KCNH1: variants seen among roughly 807,000 people sequenced by gnomAD.
The protein encoded by KCNH1 is potassium voltage-gated channel subfamily H member 1, also known as voltage-gated delayed rectifier potassium channel KCNH1.
A neutral mutation model predicts 69.2 loss-of-function variants in KCNH1; 27 were observed. That is an observed-to-expected ratio of 0.39 (90% CI 0.29 to 0.54). The LOEUF (loss-of-function observed/expected upper bound fraction) is 0.54. Ranked by LOEUF, KCNH1 falls within the 20% of genes least tolerant of loss-of-function variation. The pLI, the probability that KCNH1 is intolerant of heterozygous loss-of-function variation, is 0.68. For synonymous variants in KCNH1, 456 were observed against 487.7 expected (o/e 0.93, Z 0.86); for missense variants, 798 against 1,261.6 (o/e 0.63, Z 5.57).
In KCNH1 at chr1:210,682,951, G is replaced by C. The variant is rs10082305; in HGVS notation, c.*330C>G. On this transcript the variant is annotated 3_prime_UTR_variant, in exon 11 of 11. Transcript: ENST00000271751. ...TCCCACCAGTCCCCAGATGGCTGCT[G>C]CTCTGTTCTGGTAGTTTTAATCTTT... 13 of 293,770 alleles carry C rather than the reference G, an allele frequency of 4.4e-5. No homozygotes were observed. The highest frequency in any genetic ancestry group is 2.4e-4 in the Admixed American group (5 of 20,424). 18.2% of individuals were successfully genotyped at this position (293,770 alleles called of 1,614,324 possible). A position where few individuals can be genotyped will look rare whatever the true frequency, so the allele number is the denominator to read the frequency against.
At chr1:210,906,064 A>G (rs1687096100) in intron 7 of KCNH1, among the ~76,000 whole-genome samples, 1 of 152,180 alleles carries the variant, frequency 6.6e-6, no homozygotes, top group Non-Finnish European at 1.5e-5. Flanking sequence ...GGAGGGGACA[A>G]GGGGCGTGGC....
intron 6 of KCNH1, among the ~76,000 whole-genome samples, chr1:210,999,434 G>C (rs1253597258): frequency 1.3e-5 from 2 of 152,080 alleles, no homozygotes; most frequent in African/African-American, 2.4e-5. Context: ...TAAATTCCTG[G>C]ACACATACAC....
chr1:210,801,385 C>T (rs1196981903), intron 8 of KCNH1, among the ~76,000 whole-genome samples: 6 of 152,202 alleles, frequency 3.9e-5, no homozygotes, highest in African/African-American at 1.4e-4. Flanking sequence ...CTCTCCCCAG[C>T]AGTAGCCTGC....
intron 6 of KCNH1, among the ~76,000 whole-genome samples, chr1:210,972,361 G>A (rs956784984): frequency 1.3e-5 from 2 of 151,898 alleles, no homozygotes; most frequent in South Asian, 4.2e-4. Context: ...CTTTAATTCT[G>A]TCCCACTCCA....
chr1:210,794,177 C>T (rs1285994600), intron 9 of KCNH1, among the ~76,000 whole-genome samples: 1 of 152,168 alleles, frequency 6.6e-6, no homozygotes, highest in East Asian at 1.9e-4. Context: ...TTCCAGGGAG[C>T]AAACAGCTTA....
At chr1:210,795,133 TTG>T (rs1684282711) in intron 9 of KCNH1, among the ~76,000 whole-genome samples, 1 of 103,542 alleles carries the variant, frequency 9.7e-6, no homozygotes, top group Non-Finnish European at 2.3e-5. Context: ...GTTTTTGTTG[TTG>T]TTGTTGTTGT....
chr1:210,955,027 G>C lies in KCNH1; in HGVS notation c.1033-34958C>G, dbSNP rs564814512. ...CTAGGTTTTCTTCTAGGGTTTTTAC[G>C]GTTTTAGGTCTCACATTTAAGACTT... On this transcript the variant is annotated intron_variant, in intron 6 of 10. Coordinates refer to ENST00000271751, the MANE Select transcript of KCNH1 (RefSeq NM_172362.3). Among the ~76,000 whole-genome samples the C allele has an allele frequency of 1.6e-3, 240 of 152,236 alleles. 2 individuals are homozygous for C. The highest frequency in any genetic ancestry group is 5.2e-3 in the African/African-American group (217 of 41,538).
intron 7 of KCNH1, among the ~76,000 whole-genome samples, chr1:210,896,923 G>A (rs1211853616): frequency 6.6e-6 from 1 of 152,138 alleles, no homozygotes; most frequent in East Asian, 1.9e-4. Context: ...CTTTAGAATA[G>A]GAACCTCCTG....
intron 5 of KCNH1, among the ~76,000 whole-genome samples, chr1:211,074,220 A>C (rs1328481210): frequency 2.0e-5 from 3 of 151,930 alleles, no homozygotes; most frequent in Non-Finnish European, 4.4e-5. Context: ...TTACATTAGA[A>C]GGTATCAAGT....
chr1:211,106,970 C>A (rs995475686), intron 2 of KCNH1, among the ~76,000 whole-genome samples: 1 of 152,070 alleles, frequency 6.6e-6, no homozygotes, highest in African/African-American at 2.4e-5. Flanking sequence ...TCTAAAATGC[C>A]GTAACTTTTG....
intron 7 of KCNH1, among the ~76,000 whole-genome samples, chr1:210,914,774 T>C (rs1687301388): frequency 6.8e-6 from 1 of 148,066 alleles, no homozygotes; most frequent in African/African-American, 2.4e-5. Context: ...TCAGCTAGAG[T>C]TTTAAGGACC....
chr1:210,699,994 G>A (rs1300966882), intron 10 of KCNH1, among the ~76,000 whole-genome samples: 1 of 152,108 alleles, frequency 6.6e-6, no homozygotes, highest in Non-Finnish European at 1.5e-5. Flanking sequence ...AAATTGGCTG[G>A]TACAGCAAGA....
chr1:210,822,597 T>G (rs1648600423), intron 7 of KCNH1, among the ~76,000 whole-genome samples: 1 of 152,178 alleles, frequency 6.6e-6, no homozygotes, highest in Non-Finnish European at 1.5e-5. Flanking sequence ...CTAACAATTT[T>G]CAAGCAAGAG....
chr1:210,924,944 C>T (rs529202837), intron 6 of KCNH1, among the ~76,000 whole-genome samples: 1 of 151,968 alleles, frequency 6.6e-6, no homozygotes, highest in East Asian at 1.9e-4. Flanking sequence ...CCTGCACTCA[C>T]CCAGATTAAA....
chr1:211,082,808 T>G lies in KCNH1; in HGVS notation c.530A>C (p.Asn177Thr). 1 of 1,614,092 alleles carries G rather than the reference T, an allele frequency of 6.2e-7. No individual in the cohort carries two copies. Among genetic ancestry groups the G allele is most frequent in the Non-Finnish European group, 8.5e-7 (1 of 1,179,954 alleles). Residue 177 changes from asparagine to threonine, a missense_variant, in exon 5 of 11, where the codon AAT becomes ACT. Physicochemically the swap from Asn to Thr is moderately conservative, Grantham distance 65 (BLOSUM62 0). This residue lies in a region of KCNH1 where 266 missense variants were observed against 457.2 expected (regional missense o/e 0.58). Transcript: ENST00000271751. ...QLAPSVQKGE[N>T]VHKHSRLAEV... Reference sequence around the variant, plus strand: ...TGCCAGGCGGGAGTGCTTGTGGACATTCTCGCCTTTTTGCACGCTTGGAGC... The same window carrying G: ...TGCCAGGCGGGAGTGCTTGTGGACAGTCTCGCCTTTTTGCACGCTTGGAGC...
At chr1:210,805,714 G>C (rs1777248) in intron 7 of KCNH1, among the ~76,000 whole-genome samples, 125,601 of 152,166 alleles carry the variant, frequency 0.83, 51,977 homozygotes, top group African/African-American at 0.85. Flanking sequence ...ATATTCCTCC[G>C]AAAATAAACC....
chr1:210,904,729 A>G (rs756360657), intron 7 of KCNH1, among the ~76,000 whole-genome samples: 3 of 152,188 alleles, frequency 2.0e-5, no homozygotes, highest in Non-Finnish European at 4.4e-5. Flanking sequence ...AATAAAAGCA[A>G]TAACTCCAGC....
intron 6 of KCNH1, among the ~76,000 whole-genome samples, chr1:210,988,009 A>C (rs6671367): frequency 0.24 from 36,186 of 152,134 alleles, 5,900 homozygotes; most frequent in African/African-American, 0.45. Flanking sequence ...AGCCTCGCTG[A>C]CACCTTGCAG....
At chr1:210,706,681 T>A (rs1448890167) in intron 10 of KCNH1, among the ~76,000 whole-genome samples, 1 of 152,272 alleles carries the variant, frequency 6.6e-6, no homozygotes, top group Non-Finnish European at 1.5e-5. Context: ...CCAATTCTTC[T>A]GAGTCTCAGA....
Sources: gnomAD v4.1 joint callset for allele counts (sites outside exome capture counted in the v4.1 genomes callset) on GRCh38, gnomAD v4.1.1 for gene constraint, gnomAD v4.1.1 regional missense constraint, MANE v1.5 for transcripts, NCBI Gene and HGNC (gene_info 2026-07-23, HGNC 2026-07-21) for gene names.